The following NSD2 variants were observed in gnomAD, a reference collection of about 807,000 sequenced individuals.
NSD2 encodes the protein histone-lysine N-methyltransferase NSD2.
Under a neutral mutation model 139.0 loss-of-function variants are expected in NSD2, and 12 were observed. The observed-to-expected ratio is 0.09, with a 90% CI of 0.06 to 0.14. The LOEUF is 0.14. Among genes scored for constraint, NSD2 ranks in the 10% least tolerant of loss-of-function variants. The probability of loss-of-function intolerance (pLI) is 1.00; values close to 1 mark genes in which losing one functional copy is unlikely to be tolerated. For missense variants in NSD2, 1,155 were observed against 1,745.0 expected (o/e 0.66, Z 6.02); for synonymous variants, 669 against 648.7 (o/e 1.03, Z -0.48).
At chr4:1,910,564 T>C (rs1718533530) in intron 3 of NSD2, among the ~76,000 whole-genome samples, 1 of 152,216 alleles carries the variant, frequency 6.6e-6, no homozygotes, top group South Asian at 2.1e-4. Context: ...AGATTTTTGT[T>C]GTCACCTTTT....
chr4:1,961,230 G>T (rs560119146), intron 18 of NSD2, 79 bp downstream of exon 18: 37 of 1,191,806 alleles, frequency 3.1e-5, no homozygotes, highest in South Asian at 4.9e-5. Flanking sequence ...ACTGGACTTT[G>T]CCCTGTGGCA....
chr4:1,953,581 C>T, intron 12 of NSD2, 57 bp downstream of exon 12: 2 of 1,520,608 alleles, frequency 1.3e-6, no homozygotes, highest in South Asian at 1.3e-5. Flanking sequence ...AGACGCAGGC[C>T]CATGGGCGCT....
rs541359218 is a variant in NSD2 at position 1,896,664 on chromosome 4, G to GCCTC, written c.-29-3946_-29-3943dup. 1.3e-4 allele frequency among the ~76,000 whole-genome samples: 20 copies of GCCTC among 149,678 alleles called. No individual in the cohort carries two copies. The South Asian group carries it at 2.1e-3, about 16-fold the overall frequency. On this transcript the variant is annotated intron_variant, in intron 1 of 21. Transcript: ENST00000508803. ...TACAAGTAGTGAACCACTGTGCCCG[G>GCCTC]CCTCCCTCCCTCCCTCCCTTCCTTC...
chr4:1,921,012 T>C (rs994592498), intron 5 of NSD2, among the ~76,000 whole-genome samples: 5 of 152,234 alleles, frequency 3.3e-5, no homozygotes, highest in Admixed American at 3.3e-4. Flanking sequence ...CACTCTAGTC[T>C]GGGCCACAGA....
Position 1,942,632 on chromosome 4 carries a change from C to A in NSD2, c.1881+2854C>A. 8.1e-7 allele frequency: 1 copy of A among 1,232,218 alleles called. No homozygotes were observed. Among genetic ancestry groups the A allele is most frequent in the Non-Finnish European group, 1.0e-6 (1 of 981,938 alleles). The allele number at this position is 1,232,218 out of a possible 1,614,324, so 76.3% of individuals were successfully genotyped here. ...CTCATAATAGAAACACGTTCATATT[C>A]CAGTGGTCAATGTAGATTTCAAGTT... is the stretch of plus-strand genomic sequence containing the variant. On this transcript the variant is annotated intron_variant, in intron 9 of 21. Coordinates refer to ENST00000508803, the MANE Select transcript of NSD2 (RefSeq NM_001042424.3). The surrounding 1 kb of genome is among the most constrained non-coding windows in gnomAD (Gnocchi z 4.0).
At chr4:1,906,219 T>G (rs1225181747) in intron 3 of NSD2, among the ~76,000 whole-genome samples, 1 of 152,202 alleles carries the variant, frequency 6.6e-6, no homozygotes, top group East Asian at 1.9e-4. Flanking sequence ...CTCCTTGTTC[T>G]TCCTATTAGG....
chr4:1,918,720 TC>T, intron 5 of NSD2, 97 bp downstream of exon 5: 1 of 1,481,436 alleles, frequency 6.8e-7, no homozygotes, highest in Non-Finnish European at 9.1e-7. Flanking sequence ...ATCAGGAGAC[TC>T]TAACATGAGC....
chr4:1,980,808 G>C lies in NSD2; in HGVS notation c.*1899G>C. On this transcript the variant is annotated 3_prime_UTR_variant, in exon 22 of 22. Coordinates refer to ENST00000508803, the MANE Select transcript of NSD2 (RefSeq NM_001042424.3). ...ACTCGCCGGTTAAGACAGGGTGGGA[G>C]TAGTGCTTTCCAGTTCAGACTCTAA... is the stretch of plus-strand genomic sequence containing the variant. 4.3e-6 allele frequency: 1 copy of C among 233,224 alleles called. No individual in the cohort carries two copies. Among genetic ancestry groups the C allele is most frequent in the Non-Finnish European group, 8.5e-6 (1 of 118,062 alleles). The allele number at this position is 233,224 out of a possible 1,614,324, so 14.4% of individuals were successfully genotyped here.
intron 1 of NSD2, among the ~76,000 whole-genome samples, chr4:1,879,333 C>T (rs1361136557): frequency 2.0e-5 from 3 of 152,118 alleles, no homozygotes; most frequent in Non-Finnish European, 2.9e-5. Flanking sequence ...ATTCTCCTGC[C>T]TCAGCCTCCC....
rs1466409978 is a variant in NSD2 at position 1,979,912 on chromosome 4, A to G, written c.*1003A>G. 2.6e-5 allele frequency: 6 copies of G among 232,806 alleles called. No individual in the cohort carries two copies. Among genetic ancestry groups the G allele is most frequent in the East Asian group, 2.4e-4 (4 of 16,540 alleles). 14.4% of individuals were successfully genotyped at this position (232,806 alleles called of 1,614,324 possible). On this transcript the variant is annotated 3_prime_UTR_variant, in exon 22 of 22. Coordinates refer to ENST00000508803, the MANE Select transcript of NSD2 (RefSeq NM_001042424.3). ...GAGCACAGGAAGTGACAACTTAGGG[A>G]GCCCCGTAGGGCGCTGCAGGCCCCG...
chr4:1,886,950 T>C (rs1208772131), intron 1 of NSD2, among the ~76,000 whole-genome samples: 2 of 152,228 alleles, frequency 1.3e-5, no homozygotes, highest in Non-Finnish European at 2.9e-5. Context: ...CCGCCCCCTC[T>C]TACCTCCCAT....
intron 7 of NSD2, among the ~76,000 whole-genome samples, chr4:1,936,155 G>A (rs1362910840): frequency 6.6e-6 from 1 of 152,182 alleles, no homozygotes; most frequent in Non-Finnish European, 1.5e-5. Flanking sequence ...ATGTGTCCAG[G>A]GACAGAGTTT....
In NSD2 at chr4:1,918,336, G is replaced by A. The variant is rs763209260; in HGVS notation, c.1123G>A (p.Glu375Lys). The A allele has an allele frequency of 6.2e-6, 10 of 1,613,958 alleles. No individual in the cohort carries two copies. In the Admixed American group the frequency reaches 1.2e-4, roughly 19 times the overall value. ...TGCAGAGTCTTTGGGAGAAATGGCA[G>A]AATCCTCAGGAGTCAGTGAAGAAGC... The part of the protein sequence containing the change: ...IAAESLGEMA[E>K]SSGVSEEAAE... The change falls in exon 5 of 22, where the codon GAA (glutamate) becomes AAA (lysine). Residue 375 changes from glutamate to lysine, a missense_variant. Around this residue, in one of 8 missense-constraint regions of NSD2, gnomAD observed 420 missense variants for 469.0 expected, o/e 0.90. Coordinates refer to ENST00000508803, the MANE Select transcript of NSD2 (RefSeq NM_001042424.3).
chr4:1,948,095 G>A lies in NSD2; in HGVS notation c.1882-2977G>A. On this transcript the variant is annotated intron_variant, in intron 9 of 21. Coordinates refer to ENST00000508803, the MANE Select transcript of NSD2 (RefSeq NM_001042424.3). The surrounding 1 kb of genome is among the most constrained non-coding windows in gnomAD (Gnocchi z 4.5). Reference sequence around the variant, plus strand: ...AAGGAATGTATTTCTAAGGCAAATAGGCAACTTGGTACTATCTTATTCTGA... The same window carrying A: ...AAGGAATGTATTTCTAAGGCAAATAAGCAACTTGGTACTATCTTATTCTGA... 9.4e-7 allele frequency: 1 copy of A among 1,059,236 alleles called. No homozygotes were observed. Among genetic ancestry groups the A allele is most frequent in the Non-Finnish European group, 1.1e-6 (1 of 875,200 alleles). The allele number at this position is 1,059,236 out of a possible 1,614,324, so 65.6% of individuals were successfully genotyped here. A position where few individuals can be genotyped will look rare whatever the true frequency, so the allele number is the denominator to read the frequency against.
intron 5 of NSD2, among the ~76,000 whole-genome samples, chr4:1,920,532 A>C (rs1389416610): frequency 2.6e-5 from 4 of 152,204 alleles, no homozygotes; most frequent in Non-Finnish European, 5.9e-5. Flanking sequence ...GCATTTGATA[A>C]AATTCATTGC....
At chr4:1,886,202 T>C (rs917199487) in intron 1 of NSD2, among the ~76,000 whole-genome samples, 4 of 152,124 alleles carry the variant, frequency 2.6e-5, no homozygotes, top group African/African-American at 7.2e-5. Context: ...TTCAGCTGTT[T>C]CCTTTTTTTC....
intron 3 of NSD2, among the ~76,000 whole-genome samples, chr4:1,908,855 C>G (rs10013545): frequency 0.018 from 2,773 of 152,230 alleles, 93 homozygotes; most frequent in African/African-American, 0.064. Context: ...TCATAGCTCA[C>G]TCCAGGCTCA....
chr4:1,939,332 ACTT>A (rs1182921567), intron 8 of NSD2: 2 of 327,214 alleles, frequency 6.1e-6, no homozygotes, highest in East Asian at 5.4e-5. Context: ...TTTGTGCTAA[ACTT>A]CTTATGGATG....
At chr4:1,941,923 C>T in intron 9 of NSD2, 1 of 1,072,820 alleles carries the variant, frequency 9.3e-7, no homozygotes, top group Non-Finnish European at 1.1e-6. Context: ...TAAAAAACAG[C>T]CTGTTGACTG....
Sources: gnomAD v4.1 joint callset for allele counts (sites outside exome capture counted in the v4.1 genomes callset) on GRCh38, gnomAD v4.1.1 for gene constraint, gnomAD v4.1.1 regional missense constraint, Gnocchi (gnomAD v3.1) non-coding constraint, MANE v1.5 for transcripts, NCBI Gene and HGNC (gene_info 2026-07-23, HGNC 2026-07-21) for gene names.